Variants in CPLX1 observed in about 807,000 individuals in gnomAD.
CPLX1 encodes the protein complexin 1.
In CPLX1, 6 loss-of-function variants were observed where a neutral mutation model predicts 15.6. The observed-to-expected ratio is 0.39, with a 90% confidence interval of 0.21 to 0.76. The LOEUF is 0.76. Ranked by LOEUF, CPLX1 falls within the 30% of genes least tolerant of loss-of-function variation. CPLX1 has a pLI of 0.43. For missense variants in CPLX1, 242 were observed against 188.6 expected, an observed-to-expected ratio of 1.28 and a Z score of -1.66; for synonymous variants, 91 against 75.2, an observed-to-expected ratio of 1.21 and a Z score of -1.08.
At chr4:817,630 A>G (rs1218752488) in intron 2 of CPLX1, among the ~76,000 whole-genome samples, 1 of 152,184 alleles carries the variant, frequency 6.6e-6, no homozygotes, top group Non-Finnish European at 1.5e-5. Context: ...AATCAGGATA[A>G]TTTAATATTA....
intron 2 of CPLX1, among the ~76,000 whole-genome samples, chr4:796,226 C>T (rs536818550): frequency 2.6e-5 from 4 of 152,272 alleles, no homozygotes; most frequent in Admixed American, 1.3e-4. Context: ...TGTAGATTTA[C>T]GGAAGAGTCA....
At chr4:802,253 C>T (rs567569696) in intron 2 of CPLX1, among the ~76,000 whole-genome samples, 15 of 152,178 alleles carry the variant, frequency 9.9e-5, no homozygotes, top group African/African-American at 1.2e-4. Flanking sequence ...CCAAACAACA[C>T]GGGAGAATCT....
chr4:820,911 G>A (rs1307894101), intron 2 of CPLX1, among the ~76,000 whole-genome samples: 1 of 152,148 alleles, frequency 6.6e-6, no homozygotes, highest in Non-Finnish European at 1.5e-5. Flanking sequence ...CGGGGGCGCG[G>A]AGGGGCTCTC....
intron 2 of CPLX1, among the ~76,000 whole-genome samples, chr4:794,887 G>A (rs1292550386): frequency 2.0e-5 from 3 of 152,184 alleles, no homozygotes; most frequent in Admixed American, 2.0e-4. Flanking sequence ...TCTGGTCGCG[G>A]GAGCCGGCAT....
intron 2 of CPLX1, 95 bp from the exon 3 acceptor site, chr4:792,703 C>T: frequency 2.2e-6 from 3 of 1,371,400 alleles, no homozygotes; most frequent in Non-Finnish European, 3.0e-6. Context: ...GGCCGACCCC[C>T]CAAACCCTCC....
intron 2 of CPLX1, among the ~76,000 whole-genome samples, chr4:792,894 C>T (rs1180562520): frequency 1.3e-5 from 2 of 152,154 alleles, no homozygotes; most frequent in African/African-American, 2.4e-5. Flanking sequence ...TGTGGTTGCG[C>T]GTCTGTATGC....
intron 2 of CPLX1, chr4:804,808 C>T: frequency 2.0e-6 from 2 of 985,368 alleles, no homozygotes; most frequent in Non-Finnish European, 2.4e-6. Context: ...CTCTGGCGGT[C>T]GTCAGCCTGG....
At chr4:806,443 A>G (rs1189775482) in intron 2 of CPLX1, among the ~76,000 whole-genome samples, 2 of 152,202 alleles carry the variant, frequency 1.3e-5, no homozygotes, top group African/African-American at 4.8e-5. Flanking sequence ...AAGTATAAAA[A>G]CCCTAGAAGA....
intron 3 of CPLX1, 115 bp downstream of exon 3, chr4:792,318 A>T: frequency 2.5e-6 from 2 of 811,762 alleles, no homozygotes; most frequent in Non-Finnish European, 3.5e-6. Context: ...AAAGGGTAGG[A>T]GGCCCAGGGG....
chr4:797,659 C>A (rs894370513), intron 2 of CPLX1, among the ~76,000 whole-genome samples: 1 of 145,812 alleles, frequency 6.9e-6, no homozygotes, highest in Non-Finnish European at 1.5e-5. Flanking sequence ...GTAGGCCGGG[C>A]GCGGTGGCTC....
chr4:786,803 C>T (rs1165199762), intron 3 of CPLX1, 105 bp from the exon 4 acceptor site: 48 of 1,438,972 alleles, frequency 3.3e-5, no homozygotes, highest in Middle Eastern at 2.6e-4. Flanking sequence ...GGCGTGGGTG[C>T]GGCCCCCTAC....
intron 2 of CPLX1, among the ~76,000 whole-genome samples, chr4:816,043 A>G (rs1746749660): frequency 6.6e-6 from 1 of 151,998 alleles, no homozygotes; most frequent in Admixed American, 6.6e-5. Flanking sequence ...ATTTGTTACA[A>G]TGTTTATGTT....
At position 792,600 on chromosome 4, in the gene CPLX1, T is replaced by C. The variant is rs1239119088; in HGVS notation, c.40A>G (p.Lys14Glu). 3.1e-6 allele frequency: 5 copies of C among 1,611,762 alleles called. No individual in the cohort carries two copies. The highest frequency in any genetic ancestry group is 1.3e-5 in the African/African-American group (1 of 74,782). Residue 14 changes from lysine (K) to glutamate (E), a missense_variant, in exon 3 of 4, where the codon AAG becomes GAG. Transcript: ENST00000304062. ...VMKQALGGAT[K>E]DMGKMLGGDE... is the part of the protein sequence containing the mutation. Reference sequence around the variant, plus strand: ...CCCCCCAGCATCTTCCCCATGTCCTTGGTGGCCCCTGGTACAGAAGTTGGT... The same window carrying C: ...CCCCCCAGCATCTTCCCCATGTCCTCGGTGGCCCCTGGTACAGAAGTTGGT...
Position 824,385 on chromosome 4 carries a change from C to T in CPLX1, c.31+107G>A, listed in dbSNP as rs909443294. ...TCCTGTGCAGGGCTGCGTGGGTGGC[C>T]GTGTGGCTGCAGGGGCGCTGCTGCG... is the stretch of plus-strand genomic sequence containing the variant. On this transcript the variant is annotated intron_variant, in intron 2 of 3. Coordinates refer to ENST00000304062, the MANE Select transcript of CPLX1 (RefSeq NM_006651.4). The T allele has an allele frequency of 4.9e-6, 5 of 1,015,572 alleles. No individual in the cohort carries two copies. In the African/African-American group the frequency reaches 6.3e-5, roughly 13 times the overall value. 62.9% of individuals were successfully genotyped at this position (1,015,572 alleles called of 1,614,324 possible). A position where few individuals can be genotyped will look rare whatever the true frequency, so the allele number is the denominator to read the frequency against.
intron 2 of CPLX1, among the ~76,000 whole-genome samples, chr4:793,710 C>G (rs1746251265): frequency 6.6e-6 from 1 of 152,194 alleles, no homozygotes; most frequent in Non-Finnish European, 1.5e-5. Flanking sequence ...GTTGCCCCTG[C>G]AAATGCCGCT....
chr4:821,490 G>C (rs1022535803), intron 2 of CPLX1, among the ~76,000 whole-genome samples: 4 of 152,172 alleles, frequency 2.6e-5, no homozygotes, highest in Non-Finnish European at 5.9e-5. Context: ...GCGGAGGATG[G>C]GAGAGCGGGT....
intron 3 of CPLX1, chr4:787,831 A>G: frequency 8.1e-6 from 8 of 985,420 alleles, no homozygotes; most frequent in Non-Finnish European, 9.6e-6. Flanking sequence ...TGGTCAGGCC[A>G]CGGAACTACG....
intron 2 of CPLX1, among the ~76,000 whole-genome samples, chr4:811,406 A>G (rs1746663603): frequency 6.6e-6 from 1 of 151,996 alleles, no homozygotes; most frequent in Non-Finnish European, 1.5e-5. Context: ...TTAGCCTCGC[A>G]AAGTGTTGGG....
At chr4:792,984 T>C (rs1746230261) in intron 2 of CPLX1, among the ~76,000 whole-genome samples, 1 of 152,176 alleles carries the variant, frequency 6.6e-6, no homozygotes, top group Non-Finnish European at 1.5e-5. Context: ...GTCGTACATC[T>C]GTATGTGGTT....
Sources: gnomAD v4.1 joint callset for allele counts (sites outside exome capture counted in the v4.1 genomes callset) on GRCh38, gnomAD v4.1.1 for gene constraint, MANE v1.5 for transcripts, NCBI Gene and HGNC (gene_info 2026-07-23, HGNC 2026-07-21) for gene names.